The following TCN2 variants were observed in gnomAD, a reference collection of about 807,000 sequenced individuals.
TCN2 encodes the protein transcobalamin-2.
A neutral mutation model predicts 48.6 loss-of-function variants in TCN2; 34 were observed. The ratio of observed to expected loss-of-function variants is 0.70; its 90% confidence interval spans 0.53 to 0.93. The LOEUF is 0.93. TCN2 is among the 40% of genes least tolerant of loss of function. The pLI is 0.00. For missense variants in TCN2, 652 were observed against 526.1 expected, an observed-to-expected ratio of 1.24 and a Z score of -2.34; for synonymous variants, 283 against 212.5, an observed-to-expected ratio of 1.33 and a Z score of -2.89.
rs192009509 is a variant in TCN2, at chr22:30,617,317, C to A, written c.941-13C>A. ...CCTCACACCAGCTGCCCGCCCCTTT[C>A]TTCCTGGCACAGTCATGTTGGAACC... On this transcript the variant is annotated splice_polypyrimidine_tract_variant and intron_variant, in intron 6 of 8. Transcript: ENST00000215838. 2 of 1,614,058 alleles carry A rather than the reference C, an allele frequency of 1.2e-6. No homozygotes were observed. Among genetic ancestry groups the A allele is most frequent in the African/African-American group, 1.3e-5 (1 of 74,932 alleles).
Position 30,607,857 on chromosome 22 carries a change from T to C in TCN2, c.64+462T>C, listed in dbSNP as rs994504640. Reference sequence around the variant, plus strand: ...GCCTGGGCAACATAGGGAGACCCCATCTCTACAAAAAATAAAAAAAATTAA... The same window carrying C: ...GCCTGGGCAACATAGGGAGACCCCACCTCTACAAAAAATAAAAAAAATTAA... On this transcript the variant is annotated intron_variant, in intron 1 of 8. Coordinates refer to ENST00000215838, the MANE Select transcript of TCN2 (RefSeq NM_000355.4). Among the ~76,000 whole-genome samples, 22 of 151,724 alleles carry C rather than the reference T, an allele frequency of 1.5e-4. 4 individuals carry two copies. The highest frequency in any genetic ancestry group is 1.3e-3 in the Admixed American group (20 of 15,236).
At chr22:30,608,733 C>A (rs368638445) in intron 1 of TCN2, among the ~76,000 whole-genome samples, 1 of 152,108 alleles carries the variant, frequency 6.6e-6, no homozygotes, top group African/African-American at 2.4e-5. Context: ...TGCAATCAGA[C>A]ACCTCAGGTC....
At chr22:30,626,260 G>A (rs2087808154) in intron 8 of TCN2, among the ~76,000 whole-genome samples, 200 bp from the exon 9 acceptor site, 2 of 152,072 alleles carry the variant, frequency 1.3e-5, no homozygotes, top group Admixed American at 1.3e-4. Flanking sequence ...ATTACCAGAT[G>A]AGGTCATGGC....
chr22:30,610,720 A>G, intron 1 of TCN2, 151 bp from the exon 2 acceptor site: 1 of 754,388 alleles, frequency 1.3e-6, no homozygotes, highest in Non-Finnish European at 2.2e-6. Flanking sequence ...GCCTTTCAGT[A>G]TGGCTGCATT....
chr22:30,617,169 G>A (rs2087623144), intron 6 of TCN2, among the ~76,000 whole-genome samples, 161 bp from the exon 7 acceptor site: 2 of 151,834 alleles, frequency 1.3e-5, no homozygotes, highest in Admixed American at 1.3e-4. Context: ...GGGAGGCCGG[G>A]ATGGAAGCCA....
intron 2 of TCN2, among the ~76,000 whole-genome samples, chr22:30,612,300 G>A (rs1467300824): frequency 6.6e-6 from 1 of 151,656 alleles, no homozygotes; most frequent in African/African-American, 2.4e-5. Context: ...TGTAATCCCA[G>A]CACTTTGGGA....
intron 8 of TCN2, among the ~76,000 whole-genome samples, chr22:30,625,069 T>G (rs1333128549): frequency 6.6e-6 from 1 of 151,982 alleles, no homozygotes; most frequent in African/African-American, 2.4e-5. Flanking sequence ...ATACAAAAAA[T>G]TAGCTGGGGG....
chr22:30,610,982 G>C lies in TCN2; in HGVS notation c.176G>C (p.Arg59Pro). 2 of 1,614,194 alleles carry C rather than the reference G, an allele frequency of 1.2e-6. No homozygotes were observed. Among genetic ancestry groups the C allele is most frequent in the Non-Finnish European group, 1.7e-6 (2 of 1,180,038 alleles). Residue 59 changes from arginine to proline, a missense_variant, in exon 2 of 9, where the codon CGC becomes CCC. Coordinates refer to ENST00000215838, the MANE Select transcript of TCN2 (RefSeq NM_000355.4). ...AACCCCAGCATCTATGTGGGCCTAC[G>C]CCTCTCCAGTCTGCAGGCTGGGACC... ...HLNPSIYVGLRLSSLQAGTKE... is the reference protein window; with the variant it reads ...HLNPSIYVGLPLSSLQAGTKE...
At position 30,623,414 on chromosome 22, in the gene TCN2, A is replaced by G. The variant is rs925649366; in HGVS notation, c.1222+331A>G. The G allele has an allele frequency of 5.0e-5, 13 of 258,426 alleles. No homozygotes were observed. In the East Asian group the frequency reaches 1.3e-3, roughly 26 times the overall value. 16.0% of individuals were successfully genotyped at this position (258,426 alleles called of 1,614,324 possible). ...GTTGCCCAGGCTGGAGTGCAGCGGT[A>G]TGATCTCGGCTCGCTGCAACCTCCG... is the stretch of plus-strand genomic sequence containing the variant. On this transcript the variant is annotated intron_variant, in intron 8 of 8. Coordinates refer to ENST00000215838, the MANE Select transcript of TCN2 (RefSeq NM_000355.4).
Position 30,617,424 on chromosome 22 carries a change from G to C in TCN2, c.1035G>C (p.Gln345His). 6.2e-7 allele frequency: 1 copy of C among 1,614,120 alleles called. No homozygotes were observed. Among genetic ancestry groups the C allele is most frequent in the Non-Finnish European group, 8.5e-7 (1 of 1,180,032 alleles). ...QVLSLLPPYRQSISVLAGSTV... is the reference protein window; with the variant it reads ...QVLSLLPPYRHSISVLAGSTV... ...TTAGTCTCTTGCCGCCGTACAGACA[G>C]TCCATCTCTGTTCTGGCCGGGTCCA... Residue 345 changes from glutamine (Q) to histidine (H), a missense_variant, in exon 7 of 9, where the codon CAG (glutamine) becomes CAC (histidine). Gln to His is a conservative substitution (Grantham distance 24). Coordinates refer to ENST00000215838, the MANE Select transcript of TCN2 (RefSeq NM_000355.4).
At chr22:30,625,133 G>C (rs559484668) in intron 8 of TCN2, among the ~76,000 whole-genome samples, 3 of 152,164 alleles carry the variant, frequency 2.0e-5, no homozygotes, top group Non-Finnish European at 4.4e-5. Context: ...CAGGAGAATC[G>C]CTTGAACCCA....
At chr22:30,615,253 G>A in intron 4 of TCN2, 48 bp from the exon 5 acceptor site, 1 of 1,609,400 alleles carries the variant, frequency 6.2e-7, no homozygotes, top group Non-Finnish European at 8.5e-7. Flanking sequence ...GCCTGTCCTG[G>A]CCCCTTTGGC....
rs2087605675 is a variant in TCN2, at chr22:30,615,799, T to C, written c.940+12T>C. 1 of 1,614,124 alleles carries C rather than the reference T, an allele frequency of 6.2e-7. No individual in the cohort carries two copies. On this transcript the variant is annotated intron_variant, in intron 6 of 8. Coordinates refer to ENST00000215838, the MANE Select transcript of TCN2 (RefSeq NM_000355.4). ...TCTGGCACCACGAGGTAGCCCAACTTTTTGTGGAAGCACAGCCCTTTACAA... is the reference window on the plus strand; with the variant it reads ...TCTGGCACCACGAGGTAGCCCAACTCTTTGTGGAAGCACAGCCCTTTACAA...
In TCN2 at chr22:30,614,363, G is replaced by A. The variant is rs2087581718; in HGVS notation, c.442G>A (p.Gly148Ser). The change falls in exon 4 of 9, where the codon GGC becomes AGC. Residue 148 changes from glycine (G) to serine (S), a missense_variant. By Grantham distance (56) the Gly-to-Ser change is moderately conservative. Transcript: ENST00000215838. Reference sequence around the variant, plus strand: ...TTCCCTCTCAGGGCATGATCACAAGGGCCACCCCCACACTAGCTACTACCA... The same window carrying A: ...TTCCCTCTCAGGGCATGATCACAAGAGCCACCCCCACACTAGCTACTACCA... ...EKRAIGHDHKGHPHTSYYQYG... is the reference protein window; with the variant it reads ...EKRAIGHDHKSHPHTSYYQYG... The A allele has an allele frequency of 6.2e-7, 1 of 1,614,102 alleles. No homozygotes were observed. The highest frequency in any genetic ancestry group is 8.5e-7 in the Non-Finnish European group (1 of 1,180,002).
rs997560139 is a variant in TCN2, at chr22:30,627,257, A to G, written c.*736A>G. 6.5e-5 allele frequency: 10 copies of G among 154,276 alleles called. No individual in the cohort carries two copies. Among genetic ancestry groups the G allele is most frequent in the Admixed American group, 3.8e-4 (6 of 15,742 alleles). 9.6% of individuals were successfully genotyped at this position (154,276 alleles called of 1,614,324 possible). ...ATGACTGAGCACTCACTCGCTAGAT[A>G]CTATCTTGAACTGCTCTGTGAGGTT... On this transcript the variant is annotated 3_prime_UTR_variant, in exon 9 of 9. Coordinates refer to ENST00000215838, the MANE Select transcript of TCN2 (RefSeq NM_000355.4).
chr22:30,614,725 G>A (rs1021440919), intron 4 of TCN2, among the ~76,000 whole-genome samples: 1 of 152,060 alleles, frequency 6.6e-6, no homozygotes, highest in African/African-American at 2.4e-5. Flanking sequence ...TCAAGACAAC[G>A]TGGTGAAACC....
At chr22:30,607,650 G>C (rs2087473269) in intron 1 of TCN2, among the ~76,000 whole-genome samples, 1 of 152,180 alleles carries the variant, frequency 6.6e-6, no homozygotes, top group Non-Finnish European at 1.5e-5. Context: ...GTCAGGCCCA[G>C]TGTTAGCCTT....
Position 30,610,908 on chromosome 22 carries a change from G to C in TCN2, c.102G>C (p.Leu34Phe), listed in dbSNP as rs1456362282. 1 of 1,614,152 alleles carries C rather than the reference G, an allele frequency of 6.2e-7. No homozygotes were observed. Among genetic ancestry groups the C allele is most frequent in the African/African-American group, 1.3e-5 (1 of 75,034 alleles). Residue 34 changes from leucine to phenylalanine, a missense_variant, in exon 2 of 9, where the codon TTG becomes TTC. By Grantham distance (22) the Leu-to-Phe change is conservative. Transcript: ENST00000215838. ...TGGACAGCCATCTGGTAGAGAAGTTGGGCCAGCACCTCTTACCTTGGATGG... is the reference window on the plus strand; with the variant it reads ...TGGACAGCCATCTGGTAGAGAAGTTCGGCCAGCACCTCTTACCTTGGATGG... ...PEMDSHLVEK[L>F]GQHLLPWMDR...
chr22:30,623,035 AG>A lies in TCN2; in HGVS notation c.1177del (p.Glu393SerfsTer30). On this transcript the variant is annotated frameshift_variant, in exon 8 of 9. Transcript: ENST00000215838. LOFTEE classifies it high-confidence loss of function. ...CGTGATGGGGAAAGCGGCCGGAGAA[AG>A]GGAGTTCTGGCAGCTTCTCCGAGAC... is the stretch of plus-strand genomic sequence containing the variant. ...TSVMGKAAGE[R>X]EFWQLLRDPN... 4 of 1,613,952 alleles carry A rather than the reference AG, an allele frequency of 2.5e-6. No homozygotes were observed. Among genetic ancestry groups the A allele is most frequent in the Non-Finnish European group, 3.4e-6 (4 of 1,179,980 alleles).
Sources: allele counts gnomAD v4.1 joint callset (sites outside exome capture counted in the v4.1 genomes callset), GRCh38; gene constraint gnomAD v4.1.1; transcripts MANE v1.5; gene names NCBI Gene and HGNC (gene_info 2026-07-23, HGNC 2026-07-21).